Variants in PCBP3 observed in about 807,000 individuals in gnomAD.
The protein encoded by PCBP3 is poly(rC) binding protein 3.
Under a neutral mutation model 52.7 loss-of-function variants are expected in PCBP3, and 25 were observed. The ratio of observed to expected loss-of-function variants is 0.47; its 90% CI spans 0.35 to 0.66. The LOEUF is 0.66. Ranked by LOEUF, PCBP3 falls within the 30% of genes least tolerant of loss-of-function variation. The pLI is 0.01. For synonymous variants in PCBP3, 162 were observed against 183.0 expected (o/e 0.89, Z 0.93); for missense variants, 391 against 490.3 (o/e 0.80, Z 1.91).
At chr21:45,852,413 A>C (rs866791167) in intron 5 of PCBP3, among the ~76,000 whole-genome samples, 2,975 of 80,432 alleles carry the variant, frequency 0.037, 18 homozygotes, top group African/African-American at 0.095. Context: ...GTTCAGAAGG[A>C]ACACAGCCCT....
intron 2 of PCBP3, among the ~76,000 whole-genome samples, chr21:45,676,491 T>G (rs1253644896): frequency 6.6e-6 from 1 of 152,232 alleles, no homozygotes; most frequent in South Asian, 2.1e-4. Flanking sequence ...CTTCTCATGA[T>G]ATTTCAAACA....
chr21:45,770,356 C>A (rs2089762750), intron 4 of PCBP3, among the ~76,000 whole-genome samples: 1 of 152,012 alleles, frequency 6.6e-6, no homozygotes, highest in Non-Finnish European at 1.5e-5. Flanking sequence ...AATTTTTAAT[C>A]TCTTGTTTCA....
At chr21:45,680,045 A>G (rs1291076479) in intron 2 of PCBP3, among the ~76,000 whole-genome samples, 2 of 152,232 alleles carry the variant, frequency 1.3e-5, no homozygotes, top group Non-Finnish European at 2.9e-5. Flanking sequence ...GGTTCTCTAT[A>G]GTATTTTCCA....
At chr21:45,843,857 A>G (rs915666191) in intron 4 of PCBP3, among the ~76,000 whole-genome samples, 1 of 152,156 alleles carries the variant, frequency 6.6e-6, no homozygotes, top group African/African-American at 2.4e-5. Flanking sequence ...ACAGGGTTTT[A>G]TATACACACA....
intron 2 of PCBP3, chr21:45,732,729 C>G (rs2085553038): frequency 6.6e-6 from 1 of 152,178 alleles, no homozygotes; most frequent in African/African-American, 2.4e-5. Context: ...AATCACAGTT[C>G]AGAGTAGACT....
At chr21:45,663,345 C>T (rs542814375) in intron 1 of PCBP3, among the ~76,000 whole-genome samples, 105 of 151,966 alleles carry the variant, frequency 6.9e-4, no homozygotes, top group South Asian at 4.8e-3. Context: ...TACTGGTGTC[C>T]GCGTCTTGGT....
chr21:45,757,187 A>C (rs2088139229), intron 4 of PCBP3, among the ~76,000 whole-genome samples: 1 of 152,192 alleles, frequency 6.6e-6, no homozygotes, highest in Non-Finnish European at 1.5e-5. Flanking sequence ...CCTTGTCAAC[A>C]CCCATCTTCT....
At position 45,677,065 on chromosome 21, in the gene PCBP3, G is replaced by A. The variant is rs539851724; in HGVS notation, c.-200+8113G>A. On this transcript the variant is annotated intron_variant, in intron 2 of 17. Transcript: ENST00000681687. ...TGCGTTAGCCACTGCGCCTGGCCAC[G>A]TCTCCCACTTTAAATGAAAAACTAG... 3.3e-5 allele frequency among the ~76,000 whole-genome samples: 5 copies of A among 152,170 alleles called. No individual in the cohort carries two copies. In the East Asian group the frequency reaches 7.7e-4, roughly 24 times the overall value.
chr21:45,832,619 C>T (rs541468232), intron 4 of PCBP3: 5 of 152,342 alleles, frequency 3.3e-5, no homozygotes, highest in Admixed American at 2.0e-4. Flanking sequence ...TCGTGTTCTC[C>T]AGTGAGTGAG....
chr21:45,894,786 A>G (rs145751628), intron 5 of PCBP3, among the ~76,000 whole-genome samples: 73 of 152,362 alleles, frequency 4.8e-4, no homozygotes, highest in African/African-American at 1.5e-3. Flanking sequence ...GTGCAGCGAG[A>G]GCATTCTTAT....
At position 45,904,713 on chromosome 21, in the gene PCBP3, G is replaced by A. The variant is rs1402211616; in HGVS notation, c.339+3600G>A. Among the ~76,000 whole-genome samples, 3 of 152,174 alleles carry A rather than the reference G, an allele frequency of 2.0e-5. No individual in the cohort carries two copies. The highest frequency in any genetic ancestry group is 1.9e-4 in the East Asian group (1 of 5,194). ...ATCCTGAAAACACACACATAACAGC[G>A]AAAGTATTTCCAGTCCCAAGTGAAC... On this transcript the variant is annotated intron_variant, in intron 9 of 17. Transcript: ENST00000681687. This position sits in a 1 kb window ranked among gnomAD's most constrained non-coding sequence, Gnocchi z 4.8.
rs1489888810 is a variant in PCBP3, at chr21:45,715,375, A to T, written c.-199-20017A>T. ...TTTTTTGAATTGAGGTATAATTTGC[A>T]TACCATAAAATCTACCCATTAAAGC... is the stretch of plus-strand genomic sequence containing the variant. On this transcript the variant is annotated intron_variant, in intron 2 of 17. Transcript: ENST00000681687. Among the ~76,000 whole-genome samples, 3 of 152,348 alleles carry T rather than the reference A, an allele frequency of 2.0e-5. No individual in the cohort carries two copies. In the East Asian group the frequency reaches 5.8e-4, roughly 29 times the overall value.
In PCBP3 at chr21:45,917,529, G is replaced by C; in HGVS notation, c.676-59G>C. On this transcript the variant is annotated intron_variant, in intron 12 of 17. Coordinates refer to ENST00000681687, the MANE Select transcript of PCBP3 (RefSeq NM_001384156.1). This position sits in a 1 kb window ranked among gnomAD's most constrained non-coding sequence, Gnocchi z 5.3. ...CCTTGTCATGCTGGAGGGTGGCGGC[G>C]GGTGCTGAGCCGTGGTGCAGCCAGG... 7.2e-7 allele frequency: 1 copy of C among 1,380,704 alleles called. No homozygotes were observed. Among genetic ancestry groups the C allele is most frequent in the Non-Finnish European group, 1.0e-6 (1 of 972,008 alleles). 85.5% of individuals were successfully genotyped at this position (1,380,704 alleles called of 1,614,324 possible).
rs186669360 is a variant in PCBP3 at position 45,933,580 on chromosome 21, G to A, written c.857-1673G>A. On this transcript the variant is annotated intron_variant, in intron 15 of 17. Coordinates refer to ENST00000681687, the MANE Select transcript of PCBP3 (RefSeq NM_001384156.1). Reference sequence around the variant, plus strand: ...TTAAATATCACTGTTTATGGAATGTGTATAGATAACTGAATAACCAAATAA... The same window carrying A: ...TTAAATATCACTGTTTATGGAATGTATATAGATAACTGAATAACCAAATAA... 1.7e-3 allele frequency among the ~76,000 whole-genome samples: 263 copies of A among 152,326 alleles called. 2 individuals are homozygous for A. The highest frequency in any genetic ancestry group is 5.8e-3 in the African/African-American group (241 of 41,566).
intron 5 of PCBP3, among the ~76,000 whole-genome samples, chr21:45,865,456 A>C (rs2094681325): frequency 6.6e-6 from 1 of 152,186 alleles, no homozygotes; most frequent in African/African-American, 2.4e-5. Flanking sequence ...GTTCCTGCAG[A>C]AATAACGAAA....
intron 4 of PCBP3, among the ~76,000 whole-genome samples, chr21:45,787,096 T>C (rs2091215448): frequency 6.6e-6 from 1 of 152,206 alleles, no homozygotes; most frequent in Admixed American, 6.5e-5. Context: ...AAATACTAGG[T>C]ATATTGTAAT....
chr21:45,647,386 TC>T (rs2079386061), intron 1 of PCBP3, among the ~76,000 whole-genome samples: 2 of 152,184 alleles, frequency 1.3e-5, no homozygotes, highest in African/African-American at 4.8e-5. Context: ...GCTCACCTGT[TC>T]GGATTGAGGA....
In PCBP3 at chr21:45,856,589, GC is replaced by G. The variant is rs199704582; in HGVS notation, c.10+6502del. Reference sequence around the variant, plus strand: ...CTAGTTGTGTAAAAGTGTGTGGCACGCCCCCCCCACCCCCGCTCTGCCCCGG... The same window carrying G: ...CTAGTTGTGTAAAAGTGTGTGGCACGCCCCCCCACCCCCGCTCTGCCCCGG... On this transcript the variant is annotated intron_variant, in intron 5 of 17. Coordinates refer to ENST00000681687, the MANE Select transcript of PCBP3 (RefSeq NM_001384156.1). 9.9e-5 allele frequency among the ~76,000 whole-genome samples: 15 copies of G among 151,492 alleles called. 1 individual carries two copies. The highest frequency in any genetic ancestry group is 8.4e-4 in the South Asian group (4 of 4,788).
chr21:45,747,352 A>G (rs2086994861), intron 3 of PCBP3, among the ~76,000 whole-genome samples: 1 of 152,224 alleles, frequency 6.6e-6, no homozygotes, highest in Admixed American at 6.5e-5. Context: ...ATTTGGGTGC[A>G]GACACAGGCA....
Sources: allele counts gnomAD v4.1 joint callset (sites outside exome capture counted in the v4.1 genomes callset), GRCh38; gene constraint gnomAD v4.1.1; non-coding constraint Gnocchi (gnomAD v3.1); transcripts MANE v1.5; gene names NCBI Gene and HGNC (gene_info 2026-07-23, HGNC 2026-07-21).